PGM5: variants seen among roughly 807,000 people sequenced by gnomAD.
The protein encoded by PGM5 is phosphoglucomutase 5.
Under a neutral mutation model 59.2 loss-of-function variants are expected in PGM5, and 23 were observed. That is an observed-to-expected ratio of 0.39 (90% confidence interval 0.28 to 0.55). PGM5 has a LOEUF of 0.55. Ranked by LOEUF, PGM5 falls within the 20% of genes least tolerant of loss-of-function variation. The pLI, the probability that PGM5 is intolerant of heterozygous loss-of-function variation, is 0.66. For synonymous variants in PGM5, 214 were observed against 286.0 expected (o/e 0.75, Z 2.54); for missense variants, 574 against 748.3 (o/e 0.77, Z 2.72).
At chr9:68,474,433 C>G (rs935285097) in intron 7 of PGM5, among the ~76,000 whole-genome samples, 3 of 152,032 alleles carry the variant, frequency 2.0e-5, no homozygotes, top group African/African-American at 7.3e-5. Flanking sequence ...TGAGCATTCT[C>G]TTTATTTTTC....
At chr9:68,489,469 C>CT (rs797028640) in intron 9 of PGM5, among the ~76,000 whole-genome samples, 27,885 of 135,502 alleles carry the variant, frequency 0.21, 3,280 homozygotes, top group East Asian at 0.4. Context: ...TTTTTCTTTT[C>CT]TTTTTTTTTT....
chr9:68,401,598 G>T lies in PGM5; in HGVS notation c.1043+9125G>T, dbSNP rs879996747. On this transcript the variant is annotated intron_variant, in intron 6 of 10. Coordinates refer to ENST00000396396, the MANE Select transcript of PGM5 (RefSeq NM_021965.4). Reference sequence around the variant, plus strand: ...GGATTCAAGGCTACTTTAAACTGGGGTTTCAATGCCATCCAGTCTCAGTGC... The same window carrying T: ...GGATTCAAGGCTACTTTAAACTGGGTTTTCAATGCCATCCAGTCTCAGTGC... Among the ~76,000 whole-genome samples the T allele has an allele frequency of 3.1e-3, 470 of 151,364 alleles. 1 individual carries two copies. The highest frequency in any genetic ancestry group is 5.4e-3 in the Non-Finnish European group (364 of 67,764).
At chr9:68,403,305 A>T (rs541753413) in intron 6 of PGM5, among the ~76,000 whole-genome samples, 2 of 152,306 alleles carry the variant, frequency 1.3e-5, no homozygotes, top group Admixed American at 1.3e-4. Flanking sequence ...ATCTAGTTTC[A>T]GGAAAACAAG....
At chr9:68,393,923 C>T (rs1554679759) in intron 6 of PGM5, 2 of 151,918 alleles carry the variant, frequency 1.3e-5, no homozygotes, top group Admixed American at 6.6e-5. Context: ...TTGTATACTA[C>T]ACAATAACAA....
chr9:68,430,424 G>C (rs1359560205), intron 6 of PGM5, among the ~76,000 whole-genome samples: 1 of 152,180 alleles, frequency 6.6e-6, no homozygotes, highest in Non-Finnish European at 1.5e-5. Flanking sequence ...CTCAACTTAT[G>C]GATGTATCAT....
At chr9:68,464,736 A>G (rs1554685677) in intron 6 of PGM5, 1 of 197,458 alleles carries the variant, frequency 5.1e-6, no homozygotes, top group East Asian at 1.6e-4. Flanking sequence ...CTGTTAAACA[A>G]TATTCCCAAG....
intron 9 of PGM5, among the ~76,000 whole-genome samples, chr9:68,493,275 A>T (rs568894376): frequency 9.9e-5 from 15 of 152,246 alleles, no homozygotes; most frequent in African/African-American, 3.6e-4. Context: ...GTTTATTTTT[A>T]AAATTAAAAA....
intron 3 of PGM5, among the ~76,000 whole-genome samples, chr9:68,386,234 AT>A (rs1276221844): frequency 2.6e-5 from 4 of 152,092 alleles, no homozygotes; most frequent in East Asian, 1.9e-4. Flanking sequence ...TTACAGATTA[AT>A]TTTTTTATGG....
At chr9:68,417,555 T>C (rs1823055798) in intron 6 of PGM5, among the ~76,000 whole-genome samples, 1 of 152,168 alleles carries the variant, frequency 6.6e-6, no homozygotes, top group Non-Finnish European at 1.5e-5. Context: ...ATATTCAAAA[T>C]ATAGGATAGG....
intron 10 of PGM5, among the ~76,000 whole-genome samples, chr9:68,516,116 C>T (rs1165569650): frequency 6.6e-6 from 1 of 152,206 alleles, no homozygotes; most frequent in Non-Finnish European, 1.5e-5. Context: ...TGTTTCTAAA[C>T]AGTGTCCCTG....
Position 68,529,796 on chromosome 9 carries a change from G to T in PGM5, c.*140G>T. 14 of 434,090 alleles carry T rather than the reference G, an allele frequency of 3.2e-5. No individual in the cohort carries two copies. Among genetic ancestry groups the T allele is most frequent in the Non-Finnish European group, 4.6e-5 (11 of 239,576 alleles). 26.9% of individuals were successfully genotyped at this position (434,090 alleles called of 1,614,324 possible). A position where few individuals can be genotyped will look rare whatever the true frequency, so the allele number is the denominator to read the frequency against. ...TTTGCTTTTGGGGGATAGAGGGTGG[G>T]TGGGAAAAGAAAAAAAATCCATTTG... On this transcript the variant is annotated 3_prime_UTR_variant, in exon 11 of 11. Transcript: ENST00000396396.
intron 6 of PGM5, among the ~76,000 whole-genome samples, chr9:68,424,522 A>G (rs1823201868): frequency 6.6e-6 from 1 of 152,190 alleles, no homozygotes; most frequent in Admixed American, 6.5e-5. Context: ...CCCACCTCCT[A>G]AAATCATATT....
At chr9:68,379,184 A>G (rs1339665898) in intron 2 of PGM5, among the ~76,000 whole-genome samples, 2 of 152,168 alleles carry the variant, frequency 1.3e-5, no homozygotes, top group African/African-American at 2.4e-5. Flanking sequence ...AATCCCCAAA[A>G]TATTATTATT....
chr9:68,461,685 A>C (rs1483016076), intron 6 of PGM5, among the ~76,000 whole-genome samples: 9 of 152,030 alleles, frequency 5.9e-5, no homozygotes, highest in African/African-American at 2.2e-4. Context: ...CCTTCACCAC[A>C]CCAGATGCTG....
intron 6 of PGM5, among the ~76,000 whole-genome samples, chr9:68,436,225 T>C (rs1026466470): frequency 7.2e-5 from 11 of 152,334 alleles, no homozygotes; most frequent in Admixed American, 2.0e-4. Flanking sequence ...GTCAGTGTCC[T>C]TTGAGGTACA....
At chr9:68,425,750 C>T (rs1554682663) in intron 6 of PGM5, among the ~76,000 whole-genome samples, 4 of 152,050 alleles carry the variant, frequency 2.6e-5, no homozygotes, top group Non-Finnish European at 2.9e-5. Context: ...ATTGGCCAAA[C>T]AGTATGATAA....
chr9:68,358,940 A>C (rs1554676046), intron 1 of PGM5, among the ~76,000 whole-genome samples: 1 of 152,148 alleles, frequency 6.6e-6, no homozygotes, highest in Non-Finnish European at 1.5e-5. Flanking sequence ...AGAGGTTGAC[A>C]AATGGTCTTT....
chr9:68,419,036 C>T (rs1220554885), intron 6 of PGM5, among the ~76,000 whole-genome samples: 2 of 152,092 alleles, frequency 1.3e-5, no homozygotes, highest in African/African-American at 4.8e-5. Context: ...GCGCCCCTGC[C>T]CCAAAGTATA....
At chr9:68,396,627 G>A (rs1554680009) in intron 6 of PGM5, 2 of 152,854 alleles carry the variant, frequency 1.3e-5, no homozygotes, top group African/African-American at 4.8e-5. Flanking sequence ...CATGCTTGCT[G>A]GTTGGGAATC....
Sources: allele counts gnomAD v4.1 joint callset (sites outside exome capture counted in the v4.1 genomes callset), GRCh38; gene constraint gnomAD v4.1.1; transcripts MANE v1.5; gene names NCBI Gene and HGNC (gene_info 2026-07-23, HGNC 2026-07-21).